Variants in TMPRSS7 observed in about 807,000 individuals in gnomAD.
TMPRSS7 encodes the protein transmembrane serine protease 7, also known as transmembrane protease serine 7.
In TMPRSS7, 81 loss-of-function variants were observed where a neutral mutation model predicts 95.6. The ratio of observed to expected loss-of-function variants is 0.85; its 90% CI spans 0.71 to 1.02. The LOEUF (loss-of-function observed/expected upper bound fraction) is 1.02. Ranked by LOEUF, TMPRSS7 falls within the 50% of genes least tolerant of loss-of-function variation. TMPRSS7 has a pLI of 0.00. For missense variants in TMPRSS7, 945 were observed against 955.2 expected (o/e 0.99, Z 0.14); for synonymous variants, 364 against 337.8 (o/e 1.08, Z -0.85).
intron 15 of TMPRSS7, among the ~76,000 whole-genome samples, chr3:112,076,639 AT>A (rs1341687805): frequency 6.6e-6 from 1 of 152,260 alleles, no homozygotes; most frequent in East Asian, 1.9e-4. Context: ...TGTTGAGTGA[AT>A]TTTCTATTAC....
At chr3:112,055,038 C>A (rs1325738033) in intron 9 of TMPRSS7, among the ~76,000 whole-genome samples, 6 of 151,914 alleles carry the variant, frequency 3.9e-5, no homozygotes, top group Admixed American at 3.9e-4. Context: ...CTGCACCCGG[C>A]CAGTTTACAT....
At chr3:112,042,332 C>T (rs1215220159) in intron 3 of TMPRSS7, among the ~76,000 whole-genome samples, 3 of 152,128 alleles carry the variant, frequency 2.0e-5, no homozygotes, top group Non-Finnish European at 4.4e-5. Flanking sequence ...ATCAGATGAC[C>T]TTTAAAACAC....
At chr3:112,065,198 T>C (rs550389468) in intron 12 of TMPRSS7, among the ~76,000 whole-genome samples, 1 of 152,168 alleles carries the variant, frequency 6.6e-6, no homozygotes, top group African/African-American at 2.4e-5. Flanking sequence ...ACACCACCAA[T>C]GCCACTAACT....
intron 7 of TMPRSS7, 151 bp downstream of exon 7, chr3:112,048,118 C>A: frequency 1.5e-6 from 1 of 659,988 alleles, no homozygotes; most frequent in Non-Finnish European, 2.6e-6. Context: ...TTAGTATCCC[C>A]TATACTTTAG....
intron 7 of TMPRSS7, among the ~76,000 whole-genome samples, chr3:112,049,283 T>A (rs1190343498): frequency 6.6e-6 from 1 of 152,192 alleles, no homozygotes; most frequent in Non-Finnish European, 1.5e-5. Flanking sequence ...TCTGGCCCAC[T>A]CCCACCCTGT....
At chr3:112,076,736 C>G in intron 15 of TMPRSS7, 140 bp from the exon 16 acceptor site, 2 of 1,008,034 alleles carry the variant, frequency 2.0e-6, no homozygotes, top group Non-Finnish European at 2.9e-6. Context: ...GCCATGGTCC[C>G]CGGACAAAGC....
chr3:112,056,583 A>G (rs1394231200), intron 9 of TMPRSS7, among the ~76,000 whole-genome samples: 1 of 152,204 alleles, frequency 6.6e-6, no homozygotes, highest in Non-Finnish European at 1.5e-5. Context: ...GGGGTGACTC[A>G]CTAACAGCCT....
intron 2 of TMPRSS7, among the ~76,000 whole-genome samples, chr3:112,039,010 C>G (rs2073179646): frequency 6.6e-6 from 1 of 152,186 alleles, no homozygotes; most frequent in African/African-American, 2.4e-5. Flanking sequence ...CCTCATTCCA[C>G]CCACCACCTG....
intron 9 of TMPRSS7, among the ~76,000 whole-genome samples, chr3:112,052,845 G>A (rs1020833570): frequency 6.6e-6 from 1 of 152,128 alleles, no homozygotes; most frequent in Admixed American, 6.5e-5. Context: ...AAACTTTGTT[G>A]GGACTTTTAG....
chr3:112,040,434 G>A (rs78045812), intron 2 of TMPRSS7, among the ~76,000 whole-genome samples: 10,525 of 152,192 alleles, frequency 0.069, 592 homozygotes, highest in East Asian at 0.25. Flanking sequence ...ACTGGTTCCC[G>A]AACATTCATT....
chr3:112,074,286 C>T lies in TMPRSS7; in HGVS notation c.1667-10C>T. The T allele has an allele frequency of 6.3e-7, 1 of 1,591,148 alleles. No individual in the cohort carries two copies. Among genetic ancestry groups the T allele is most frequent in the Non-Finnish European group, 8.6e-7 (1 of 1,160,752 alleles). ...TAAGGAAAGCTGTTTCTTCTTTTGT[C>T]CATTGTTAGGTATTCCATGCAACAA... On this transcript the variant is annotated splice_polypyrimidine_tract_variant and intron_variant, in intron 13 of 17. Transcript: ENST00000452346.
chr3:112,059,734 G>T (rs1466936357), intron 10 of TMPRSS7, among the ~76,000 whole-genome samples: 1 of 152,172 alleles, frequency 6.6e-6, no homozygotes, highest in Non-Finnish European at 1.5e-5. Context: ...GGTCTAACAG[G>T]TTATCAGTTC....
intron 6 of TMPRSS7, chr3:112,047,329 G>A (rs779294310): frequency 1.3e-5 from 8 of 602,544 alleles, no homozygotes; most frequent in Non-Finnish European, 1.9e-5. Flanking sequence ...GGACCACCAA[G>A]CAGATCCAAA....
chr3:112,056,866 C>T (rs186884808), intron 9 of TMPRSS7, among the ~76,000 whole-genome samples, 159 bp from the exon 10 acceptor site: 6 of 152,334 alleles, frequency 3.9e-5, no homozygotes, highest in East Asian at 1.9e-4. Flanking sequence ...TTCTTCAGAA[C>T]GCTCTCCTCC....
intron 3 of TMPRSS7, 84 bp from the exon 4 acceptor site, chr3:112,044,171 A>C: frequency 2.2e-6 from 2 of 914,792 alleles, no homozygotes; most frequent in Non-Finnish European, 3.4e-6. Flanking sequence ...GCTGGCTGTC[A>C]GAGCTTGGGC....
intron 17 of TMPRSS7, among the ~76,000 whole-genome samples, chr3:112,080,470 T>C (rs1158805104): frequency 6.6e-6 from 1 of 152,082 alleles, no homozygotes; most frequent in Non-Finnish European, 1.5e-5. Flanking sequence ...GTTGTGAGGA[T>C]TAAATGTCTC....
intron 2 of TMPRSS7, among the ~76,000 whole-genome samples, chr3:112,041,093 AT>A (rs1332613854): frequency 5.7e-4 from 87 of 151,658 alleles, no homozygotes; most frequent in African/African-American, 1.6e-3. Context: ...AAAAAAAAAA[AT>A]CTAGGACGCA....
exon 14 of TMPRSS7, chr3:112,074,357 T>C (rs755590902): frequency 3.3e-5 from 54 of 1,614,002 alleles, no homozygotes; most frequent in Non-Finnish European, 4.1e-5. Flanking sequence ...GGAAACAAAA[T>C]GCAAAATGTG....
chr3:112,046,617 C>G (rs1208897809), intron 5 of TMPRSS7, among the ~76,000 whole-genome samples: 1 of 152,088 alleles, frequency 6.6e-6, no homozygotes, highest in East Asian at 1.9e-4. Context: ...AATTCTGTAT[C>G]TCATGTACTA....
Sources: allele counts gnomAD v4.1 joint callset (sites outside exome capture counted in the v4.1 genomes callset), GRCh38; gene constraint gnomAD v4.1.1; transcripts MANE v1.5; gene names NCBI Gene and HGNC (gene_info 2026-07-23, HGNC 2026-07-21).